The following MYO1D variants were observed in gnomAD, a reference collection of about 807,000 sequenced individuals.
The protein encoded by MYO1D is unconventional myosin-Id.
A neutral mutation model predicts 122.0 loss-of-function variants in MYO1D; 83 were observed. The observed-to-expected ratio is 0.68, with a 90% CI of 0.57 to 0.82. The LOEUF (loss-of-function observed/expected upper bound fraction) is 0.82, where lower values mean the gene tolerates loss of function less well. Among genes scored for constraint, MYO1D ranks in the 40% least tolerant of loss-of-function variants. The probability of loss-of-function intolerance (pLI) is 0.00; values close to 1 mark genes in which losing one functional copy is unlikely to be tolerated. For missense variants in MYO1D, 1,157 were observed against 1,269.5 expected (o/e 0.91, Z 1.35); for synonymous variants, 464 against 446.9 (o/e 1.04, Z -0.48).
intron 21 of MYO1D, chr17:32,602,470 TG>T (rs1168345656): frequency 6.6e-6 from 1 of 152,240 alleles, no homozygotes; most frequent in Non-Finnish European, 1.5e-5. Flanking sequence ...ATTTATTAGG[TG>T]GTACCAGAGC....
intron 16 of MYO1D, among the ~76,000 whole-genome samples, chr17:32,677,009 A>C (rs2088820438): frequency 6.6e-6 from 1 of 151,862 alleles, no homozygotes; most frequent in South Asian, 2.1e-4. Flanking sequence ...ATGGGGTTTC[A>C]CTGTGTTAGC....
At chr17:32,811,042 A>G (rs1342767855) in intron 1 of MYO1D, among the ~76,000 whole-genome samples, 2 of 152,224 alleles carry the variant, frequency 1.3e-5, no homozygotes, top group African/African-American at 4.8e-5. Flanking sequence ...TTAAGAAGAG[A>G]GGGAGAAGGC....
At chr17:32,828,863 C>A (rs1045519057) in intron 1 of MYO1D, among the ~76,000 whole-genome samples, 1 of 152,098 alleles carries the variant, frequency 6.6e-6, no homozygotes, top group Admixed American at 6.5e-5. Context: ...TGGTGCCATA[C>A]TACTATACTA....
chr17:32,627,762 T>G (rs1244253977), intron 20 of MYO1D: 3 of 152,096 alleles, frequency 2.0e-5, no homozygotes, highest in Admixed American at 1.3e-4. Flanking sequence ...ACATCATGAC[T>G]CAACAACAAA....
Position 32,712,011 on chromosome 17 carries a change from T to C in MYO1D, c.2098A>G (p.Arg700Gly). 1 of 1,614,058 alleles carries C rather than the reference T, an allele frequency of 6.2e-7. No homozygotes were observed. Among genetic ancestry groups the C allele is most frequent in the Non-Finnish European group, 8.5e-7 (1 of 1,179,934 alleles). The change falls in exon 16 of 22, where the codon AGG (arginine) becomes GGG (glycine). Residue 700 changes from arginine (R) to glycine (G), a missense_variant. Arg to Gly is a moderately radical substitution (Grantham distance 125). Transcript: ENST00000318217. ...LEELRAQMLI[R>G]IVLFLQKVWR... ...ACCTTTTGTAGAAAGAGGACAATCC[T>C]TATGAGCATCTGGGCACGGAGTTCT... is the stretch of plus-strand genomic sequence containing the variant.
intron 20 of MYO1D, among the ~76,000 whole-genome samples, chr17:32,623,159 T>C (rs535089040): frequency 6.6e-6 from 1 of 152,340 alleles, no homozygotes; most frequent in African/African-American, 2.4e-5. Flanking sequence ...ACCCTGAGCC[T>C]GTCAACTTTA....
intron 15 of MYO1D, among the ~76,000 whole-genome samples, chr17:32,720,216 TATC>T (rs2089494557): frequency 6.6e-6 from 1 of 152,172 alleles, no homozygotes; most frequent in African/African-American, 2.4e-5. Flanking sequence ...CAATTATCAT[TATC>T]ATTTTTTTAT....
chr17:32,681,765 G>A (rs1224541905), intron 16 of MYO1D, among the ~76,000 whole-genome samples: 1 of 138,302 alleles, frequency 7.2e-6, no homozygotes, highest in Non-Finnish European at 1.5e-5. Flanking sequence ...TGTCTATTAG[G>A]TCCGCTTGGT....
chr17:32,554,998 T>G (rs187133747), intron 21 of MYO1D, among the ~76,000 whole-genome samples: 121 of 152,230 alleles, frequency 7.9e-4, no homozygotes, highest in Non-Finnish European at 1.4e-3. Flanking sequence ...CGAAAAGCCT[T>G]AAAAAATATA....
chr17:32,660,531 T>C (rs1403666634), intron 16 of MYO1D, among the ~76,000 whole-genome samples: 3 of 152,196 alleles, frequency 2.0e-5, no homozygotes, highest in African/African-American at 7.2e-5. Flanking sequence ...TGCAGTGTTC[T>C]CCCTTTTCAG....
At chr17:32,603,817 G>A (rs117237238) in intron 21 of MYO1D, among the ~76,000 whole-genome samples, 7,619 of 152,138 alleles carry the variant, frequency 0.05, 223 homozygotes, top group East Asian at 0.15. Flanking sequence ...GAGCCACTGC[G>A]CCTGGCCACA....
rs78747314 is a variant in MYO1D at position 32,755,570 on chromosome 17, G to A, written c.1389C>T (p.Val463=). Residue 463 remains valine, a synonymous_variant, in exon 11 of 22, where the codon GTC becomes GTT. Transcript: ENST00000318217. The part of the protein sequence containing the change: ...IAILDDACMN[V]GKVTDEMFLE... ...GAAACATTTCATCGGTGACTTTGCC[G>A]ACATTCATGCAAGCATCATCAAGGA... 2.1e-3 allele frequency: 3,372 copies of A among 1,613,888 alleles called. 8 individuals carry two copies. The highest frequency in any genetic ancestry group is 2.2e-3 in the Non-Finnish European group (2,652 of 1,179,862).
chr17:32,688,630 G>C (rs2089053427), intron 16 of MYO1D, among the ~76,000 whole-genome samples: 1 of 152,226 alleles, frequency 6.6e-6, no homozygotes, highest in Non-Finnish European at 1.5e-5. Context: ...TGAGGGTTCA[G>C]TAAAAACAAA....
intron 16 of MYO1D, among the ~76,000 whole-genome samples, chr17:32,670,068 C>T (rs548476658): frequency 3.8e-4 from 57 of 151,812 alleles, no homozygotes; most frequent in Admixed American, 2.2e-3. Flanking sequence ...TAAGTTTTGT[C>T]TTTTTTTAGT....
chr17:32,645,860 A>T (rs1361420581), intron 19 of MYO1D, among the ~76,000 whole-genome samples: 1 of 152,140 alleles, frequency 6.6e-6, no homozygotes, highest in African/African-American at 2.4e-5. Flanking sequence ...TTCCTCCTTT[A>T]GCTCGGAGAA....
intron 1 of MYO1D, among the ~76,000 whole-genome samples, chr17:32,819,958 A>C (rs1701621288): frequency 6.6e-6 from 1 of 152,234 alleles, no homozygotes; most frequent in Non-Finnish European, 1.5e-5. Flanking sequence ...TAAACTTTGC[A>C]AATCAAGCCA....
At chr17:32,653,291 TTTTG>T (rs1477244835) in intron 19 of MYO1D, among the ~76,000 whole-genome samples, 2 of 151,868 alleles carry the variant, frequency 1.3e-5, no homozygotes, top group Non-Finnish European at 2.9e-5. Flanking sequence ...AATCTAGTTT[TTTTG>T]TTTTTTTTTT....
intron 1 of MYO1D, among the ~76,000 whole-genome samples, chr17:32,833,298 G>A (rs1446980757): frequency 4.6e-5 from 7 of 151,984 alleles, no homozygotes; most frequent in East Asian, 1.9e-4. Context: ...GAAGCCACCC[G>A]TCTTCAAAGT....
chr17:32,578,172 A>G (rs577171738), intron 21 of MYO1D, among the ~76,000 whole-genome samples: 25 of 152,356 alleles, frequency 1.6e-4, no homozygotes, highest in African/African-American at 5.8e-4. Flanking sequence ...TATACATAAA[A>G]TAAGTTATGT....
Sources: allele counts gnomAD v4.1 joint callset (sites outside exome capture counted in the v4.1 genomes callset), GRCh38; gene constraint gnomAD v4.1.1; transcripts MANE v1.5; gene names NCBI Gene and HGNC (gene_info 2026-07-23, HGNC 2026-07-21).